PAICS: variants seen among roughly 807,000 people sequenced by gnomAD.
The protein encoded by PAICS is bifunctional phosphoribosylaminoimidazole carboxylase/phosphoribosylaminoimidazole succinocarboxamide synthetase.
PAICS carries 33 observed loss-of-function variants against 53.7 expected under a neutral mutation model. That is an observed-to-expected ratio of 0.61 (90% confidence interval 0.47 to 0.82). The LOEUF (loss-of-function observed/expected upper bound fraction) is 0.82, where lower values mean the gene tolerates loss of function less well. Among genes scored for constraint, PAICS ranks in the 40% least tolerant of loss-of-function variants. PAICS has a pLI of 0.00. For missense variants in PAICS, 394 were observed against 494.1 expected, an observed-to-expected ratio of 0.80 and a Z score of 1.92; for synonymous variants, 141 against 167.2, an observed-to-expected ratio of 0.84 and a Z score of 1.21.
chr4:56,433,397 T>TAAAA (rs34598008), upstream of PAICS, among the ~76,000 whole-genome samples: 4 of 118,250 alleles, frequency 3.4e-5, no homozygotes, highest in Non-Finnish European at 5.2e-5. Context: ...TGGTATTCAT[T>TAAAA]AAAAAAAAAA....
the PAICS span, among the ~76,000 whole-genome samples, chr4:56,419,227 CA>C: frequency 6.6e-6 from 1 of 152,220 alleles, no homozygotes; most frequent in East Asian, 1.9e-4. Flanking sequence ...TATTTCAAAA[CA>C]AATTATCTAC....
rs78575140 is a variant in PAICS at position 56,453,445 on chromosome 4, A to G, written c.953-158A>G. Among the ~76,000 whole-genome samples, 1,217 of 147,282 alleles carry G rather than the reference A, an allele frequency of 8.3e-3. 7 individuals carry two copies. The highest frequency in any genetic ancestry group is 0.013 in the Non-Finnish European group (850 of 67,434). ...CAGAGTAACCTTATGTTTTGAATAT[A>G]TGTGTAATAATAGTATCTTTTATGT... is the stretch of plus-strand genomic sequence containing the variant. On this transcript the variant is annotated intron_variant, in intron 7 of 8. Transcript: ENST00000512576.
chr4:56,430,497 TA>T, the PAICS span, among the ~76,000 whole-genome samples: 3 of 152,142 alleles, frequency 2.0e-5, no homozygotes, highest in African/African-American at 7.2e-5. Context: ...AGTGCCTTAG[TA>T]ATATACTTAG....
At chr4:56,428,196 A>T in the PAICS span, among the ~76,000 whole-genome samples, 1 of 152,258 alleles carries the variant, frequency 6.6e-6, no homozygotes, top group East Asian at 1.9e-4. Context: ...TGATAATCAA[A>T]TACAAGATTT....
chr4:56,459,045 C>G (rs900492662), intron 8 of PAICS, among the ~76,000 whole-genome samples: 4 of 152,150 alleles, frequency 2.6e-5, no homozygotes, highest in Admixed American at 2.6e-4. Context: ...TTCAGTTGTT[C>G]TTCGCCAGGG....
the PAICS span, chr4:56,410,573 G>C: frequency 0.47 from 467,425 of 984,678 alleles, 112,093 homozygotes; most frequent in Non-Finnish European, 0.49. Context: ...TTTGCTAAGT[G>C]TCTGGGCAGA....
chr4:56,446,708 C>T lies in PAICS; in HGVS notation c.228C>T (p.Ala76=). The change falls in exon 3 of 9, where the codon GCC becomes GCT. Residue 76 remains alanine (A), a synonymous_variant. Transcript: ENST00000512576. ...QLLQEAGIKT[A]FTRKCGETAF... ...ATCAATATGTAGGTATTAAAACTGC[C>T]TTCACCAGAAAATGTGGGGAGACAG... 1 of 1,596,012 alleles carries T rather than the reference C, an allele frequency of 6.3e-7. No individual in the cohort carries two copies. The highest frequency in any genetic ancestry group is 1.7e-4 in the Middle Eastern group (1 of 5,970).
upstream of PAICS, among the ~76,000 whole-genome samples, chr4:56,435,141 G>A (rs1170707563): frequency 3.9e-5 from 6 of 152,234 alleles, no homozygotes; most frequent in Non-Finnish European, 8.8e-5. Flanking sequence ...AAGTGGCTGG[G>A]AGGGTGGGCA....
chr4:56,428,607 A>G, the PAICS span, among the ~76,000 whole-genome samples: 1 of 152,200 alleles, frequency 6.6e-6, no homozygotes, highest in Non-Finnish European at 1.5e-5. Context: ...AAATGGAGAC[A>G]TGGTAACTTT....
chr4:56,413,051 T>C, the PAICS span, among the ~76,000 whole-genome samples: 2 of 152,224 alleles, frequency 1.3e-5, no homozygotes, highest in East Asian at 1.9e-4. Context: ...TTAATACCTT[T>C]TGTCCATTTT....
chr4:56,450,824 G>A (rs200972790), intron 6 of PAICS, 122 bp downstream of exon 6: 1 of 633,794 alleles, frequency 1.6e-6, no homozygotes, highest in Admixed American at 2.8e-5. Flanking sequence ...GTTTTTTGTT[G>A]TTGTTTTTTT....
At chr4:56,431,382 G>A, upstream of PAICS, 1 of 938,212 alleles carries the variant, frequency 1.1e-6, no homozygotes, top group South Asian at 4.9e-5. Flanking sequence ...ATTCTCACAA[G>A]TGCCTTTCCA....
intron 5 of PAICS, 147 bp downstream of exon 5, chr4:56,448,970 T>G (rs1278819419): frequency 3.3e-6 from 2 of 602,758 alleles, no homozygotes; most frequent in Admixed American, 2.9e-5. Flanking sequence ...GATAAATGTC[T>G]CTGGTATCCT....
the PAICS span, chr4:56,420,379 T>G: frequency 6.6e-6 from 1 of 152,246 alleles, no homozygotes; most frequent in African/African-American, 2.4e-5. Context: ...TCAAAAAGTT[T>G]CAAATTTTGT....
At chr4:56,428,815 TA>T in the PAICS span, 1 of 162,296 alleles carries the variant, frequency 6.2e-6, no homozygotes, top group South Asian at 2.0e-4. Context: ...TCCTAATTCT[TA>T]ACTCATTCTT....
chr4:56,451,669 T>A (rs955768758), intron 6 of PAICS, among the ~76,000 whole-genome samples: 1 of 152,212 alleles, frequency 6.6e-6, no homozygotes, highest in Non-Finnish European at 1.5e-5. Context: ...AATTGAATTC[T>A]TTAGGTCTTG....
the PAICS span, among the ~76,000 whole-genome samples, chr4:56,428,284 A>G: frequency 6.6e-6 from 1 of 152,228 alleles, no homozygotes; most frequent in Non-Finnish European, 1.5e-5. Context: ...TTTACAGATT[A>G]TAACAGTGAG....
intron 8 of PAICS, among the ~76,000 whole-genome samples, chr4:56,454,253 GTTATCTCT>G (rs1342651695): frequency 6.6e-6 from 1 of 152,172 alleles, no homozygotes; most frequent in Non-Finnish European, 1.5e-5. Context: ...GGCATGTGCA[GTTATCTCT>G]TCATGTTATT....
chr4:56,422,876 G>C, the PAICS span: 1 of 152,172 alleles, frequency 6.6e-6, no homozygotes, highest in Non-Finnish European at 1.5e-5. Flanking sequence ...CATTAACTGA[G>C]AACTTACTCA....
Sources: gnomAD v4.1 joint callset for allele counts (sites outside exome capture counted in the v4.1 genomes callset) on GRCh38, gnomAD v4.1.1 for gene constraint, MANE v1.5 for transcripts, NCBI Gene and HGNC (gene_info 2026-07-23, HGNC 2026-07-21) for gene names.